The following HNRNPR variants were observed in gnomAD, a reference collection of about 807,000 sequenced individuals.
The protein encoded by HNRNPR is heterogeneous nuclear ribonucleoprotein R.
Under a neutral mutation model 70.3 loss-of-function variants are expected in HNRNPR, and 4 were observed. The observed-to-expected ratio is 0.06, with a 90% confidence interval of 0.03 to 0.13. HNRNPR has a LOEUF of 0.13. Ranked by LOEUF, HNRNPR falls within the 10% of genes least tolerant of loss-of-function variation. The probability of loss-of-function intolerance (pLI) is 1.00; values close to 1 mark genes in which losing one functional copy is unlikely to be tolerated. For missense variants in HNRNPR, 423 were observed against 788.5 expected, an observed-to-expected ratio of 0.54 and a Z score of 5.55; for synonymous variants, 241 against 267.6, an observed-to-expected ratio of 0.90 and a Z score of 0.97.
chr1:23,324,485 G>A (rs994357446), intron 5 of HNRNPR, among the ~76,000 whole-genome samples: 63 of 151,864 alleles, frequency 4.1e-4, no homozygotes, highest in African/African-American at 1.4e-3. Flanking sequence ...GGAGAATGGC[G>A]TGAGCCCGGG....
At chr1:23,334,283 C>T (rs1646371360) in intron 4 of HNRNPR, among the ~76,000 whole-genome samples, 1 of 140,026 alleles carries the variant, frequency 7.1e-6, no homozygotes, top group Admixed American at 7.7e-5. Flanking sequence ...GTCACCCAGG[C>T]TGGAGTGCAG....
intron 5 of HNRNPR, among the ~76,000 whole-genome samples, chr1:23,329,588 T>A (rs1214265991): frequency 6.6e-6 from 1 of 152,224 alleles, no homozygotes; most frequent in Non-Finnish European, 1.5e-5. Flanking sequence ...AATTTATCCA[T>A]CAAGTACTTC....
rs1210332012 is a variant in HNRNPR, at chr1:23,341,118, A to T, written c.-9-101T>A. ...TAAACTAATTTGTATACATGCTGCT[A>T]ATAACCTCTATCAAAATAATAATTT... On this transcript the variant is annotated intron_variant, in intron 1 of 10. Transcript: ENST00000302271. 180 of 785,500 alleles carry T rather than the reference A, an allele frequency of 2.3e-4. 1 individual carries two copies. Among genetic ancestry groups the T allele is most frequent in the Non-Finnish European group, 1.4e-5 (7 of 495,298 alleles). The allele number at this position is 785,500 out of a possible 1,614,324, so 48.7% of individuals were successfully genotyped here.
At chr1:23,315,310 A>C (rs1428080945) in intron 8 of HNRNPR, among the ~76,000 whole-genome samples, 2 of 151,184 alleles carry the variant, frequency 1.3e-5, no homozygotes, top group Admixed American at 6.6e-5. Flanking sequence ...AAAAAACAAA[A>C]ACCCAAAAAA....
In HNRNPR at chr1:23,343,996, G is replaced by A. The variant is rs559898347; in HGVS notation, c.-10+215C>T. 7.9e-5 allele frequency among the ~76,000 whole-genome samples: 12 copies of A among 152,268 alleles called. No individual in the cohort carries two copies. The East Asian group carries it at 1.6e-3, about 20-fold the overall frequency. On this transcript the variant is annotated intron_variant, in intron 1 of 10. Transcript: ENST00000302271. The stretch of plus-strand genomic sequence containing the variant: ...AGCGGGCCGGACCGCGGGCTAAAGG[G>A]GCGGGGGGAGGAAGAGCGAGGGCGA...
At chr1:23,337,011 T>G (rs1646521150) in intron 4 of HNRNPR, among the ~76,000 whole-genome samples, 1 of 152,190 alleles carries the variant, frequency 6.6e-6, no homozygotes, top group Non-Finnish European at 1.5e-5. Flanking sequence ...AATAACTCTG[T>G]AAGGTAGTCA....
At chr1:23,313,519 C>T in intron 9 of HNRNPR, 34 bp downstream of exon 9, 1 of 1,450,124 alleles carries the variant, frequency 6.9e-7, no homozygotes, top group Non-Finnish European at 9.3e-7. Flanking sequence ...AAACAAAATT[C>T]AAATATCAAG....
chr1:23,325,410 G>C (rs555942552), intron 5 of HNRNPR, among the ~76,000 whole-genome samples: 1 of 152,184 alleles, frequency 6.6e-6, no homozygotes, highest in South Asian at 2.1e-4. Context: ...AAATAATCAA[G>C]ACTCACTTTC....
In HNRNPR at chr1:23,305,548, A is replaced by C. The variant is rs150131110; in HGVS notation, c.*4906T>G. On this transcript the variant is annotated 3_prime_UTR_variant, in exon 11 of 11. Transcript: ENST00000302271. Reference sequence around the variant, plus strand: ...GGTTCTTCAGGCATGAAAATCCATAATTACTTTTAATCAGTGTTTATACCA... The same window carrying C: ...GGTTCTTCAGGCATGAAAATCCATACTTACTTTTAATCAGTGTTTATACCA... The C allele has an allele frequency of 1.3e-5, 2 of 152,262 alleles. No homozygotes were observed. The highest frequency in any genetic ancestry group is 3.4e-3 in the Middle Eastern group (1 of 294). 9.4% of individuals were successfully genotyped at this position (152,262 alleles called of 1,614,324 possible).
chr1:23,322,144 T>G (rs1271821772), intron 6 of HNRNPR, among the ~76,000 whole-genome samples: 2 of 152,174 alleles, frequency 1.3e-5, no homozygotes, highest in Admixed American at 1.3e-4. Flanking sequence ...AGTTTTAAAT[T>G]GTCTACCAAA....
At chr1:23,337,082 A>C (rs1447175049) in intron 4 of HNRNPR, among the ~76,000 whole-genome samples, 1 of 152,350 alleles carries the variant, frequency 6.6e-6, no homozygotes, top group East Asian at 1.9e-4. Context: ...CAAAAGGAGG[A>C]AAGCAGTTAT....
chr1:23,324,384 T>G (rs558301368), intron 5 of HNRNPR, among the ~76,000 whole-genome samples: 49 of 152,042 alleles, frequency 3.2e-4, no homozygotes, highest in African/African-American at 1.1e-3. Flanking sequence ...CTGGCTAACA[T>G]GGTGAAACCC....
chr1:23,305,265 G>C lies in HNRNPR; in HGVS notation c.*5189C>G, dbSNP rs1390979110. On this transcript the variant is annotated 3_prime_UTR_variant, in exon 11 of 11. Transcript: ENST00000302271. ...AACTTCCTAAGGAGCATGCTATTTA[G>C]TGCTAAGTTTTATACCCTGATCCTT... 2 of 152,140 alleles carry C rather than the reference G, an allele frequency of 1.3e-5. No individual in the cohort carries two copies. Among genetic ancestry groups the C allele is most frequent in the African/African-American group, 4.8e-5 (2 of 41,440 alleles). 9.4% of individuals were successfully genotyped at this position (152,140 alleles called of 1,614,324 possible).
intron 5 of HNRNPR, among the ~76,000 whole-genome samples, chr1:23,326,184 C>T (rs567896883): frequency 2.0e-5 from 3 of 150,892 alleles, no homozygotes; most frequent in African/African-American, 2.4e-5. Flanking sequence ...CTGTTTTGAA[C>T]ACGCCATCCG....
rs1234556952 is a variant in HNRNPR at position 23,318,934 on chromosome 1, C to A, written c.812-246G>T. Among the ~76,000 whole-genome samples the A allele has an allele frequency of 6.6e-6, 1 of 152,156 alleles. No homozygotes were observed. Among genetic ancestry groups the A allele is most frequent in the Non-Finnish European group, 1.5e-5 (1 of 68,030 alleles). ...ATACAACAAATCTACTATATTCTGA[C>A]ATTTAACATGCTACAATGTTTTAGA... On this transcript the variant is annotated intron_variant, in intron 7 of 10. Transcript: ENST00000302271. The surrounding 1 kb of genome is among the most constrained non-coding windows in gnomAD (Gnocchi z 4.2).
Position 23,310,840 on chromosome 1 carries a change from T to TTCC in HNRNPR, c.1513_1515dup (p.Gly505dup), listed in dbSNP as rs746138626. The TTCC allele has an allele frequency of 2.5e-6, 4 of 1,614,036 alleles. No individual in the cohort carries two copies. Among genetic ancestry groups the TTCC allele is most frequent in the Non-Finnish European group, 3.4e-6 (4 of 1,179,990 alleles). ...GGTGGTGGAGCACCTCGCCCTCCCCTTCCTCCTCCTCTTCCTCTTACTGCA... is the reference window on the plus strand; with the variant it reads ...GGTGGTGGAGCACCTCGCCCTCCCCTTCCTCCTCCTCCTCTTCCTCTTACTGCA... On this transcript the variant is annotated inframe_insertion, in exon 11 of 11. Coordinates refer to ENST00000302271, the MANE Select transcript of HNRNPR (RefSeq NM_005826.5). This position sits in a 1 kb window ranked among gnomAD's most constrained non-coding sequence, Gnocchi z 6.0.
intron 7 of HNRNPR, 71 bp downstream of exon 7, chr1:23,321,457 G>GT: frequency 2.3e-6 from 3 of 1,325,248 alleles, no homozygotes; most frequent in South Asian, 2.8e-5. Flanking sequence ...CAACCCCTCA[G>GT]TTTTTTTGAG....
chr1:23,341,479 A>G (rs891804998), intron 1 of HNRNPR, among the ~76,000 whole-genome samples: 1 of 152,168 alleles, frequency 6.6e-6, no homozygotes, highest in Admixed American at 6.5e-5. Flanking sequence ...TGCTTCAAAT[A>G]CAGTATCGGT....
chr1:23,327,157 ATTAATCT>A (rs374502233), intron 5 of HNRNPR, among the ~76,000 whole-genome samples: 38 of 152,228 alleles, frequency 2.5e-4, no homozygotes, highest in African/African-American at 8.4e-4. Context: ...CCCATATCCA[ATTAATCT>A]TTAAAGTATC....
Sources: allele counts gnomAD v4.1 joint callset (sites outside exome capture counted in the v4.1 genomes callset), GRCh38; gene constraint gnomAD v4.1.1; non-coding constraint Gnocchi (gnomAD v3.1); transcripts MANE v1.5; gene names NCBI Gene and HGNC (gene_info 2026-07-23, HGNC 2026-07-21).